ESR2: variants seen among roughly 807,000 people sequenced by gnomAD.
ESR2 encodes estrogen receptor beta.
Under a neutral mutation model 49.6 loss-of-function variants are expected in ESR2, and 36 were observed. The observed-to-expected ratio is 0.73, with a 90% CI of 0.56 to 0.96. The LOEUF is 0.96. Ranked by LOEUF, ESR2 falls within the 40% of genes least tolerant of loss-of-function variation. The pLI is 0.00. For missense variants in ESR2, 714 were observed against 693.0 expected, an observed-to-expected ratio of 1.03 and a Z score of -0.34; for synonymous variants, 320 against 266.1, an observed-to-expected ratio of 1.20 and a Z score of -1.97.
chr14:64,305,428 TG>T (rs2077079022), intron 1 of ESR2, among the ~76,000 whole-genome samples: 1 of 151,984 alleles, frequency 6.6e-6, no homozygotes, highest in South Asian at 2.1e-4. Flanking sequence ...CCCAGCACTT[TG>T]GGAGGCCAAG....
At chr14:64,284,180 C>T (rs946530588) in intron 1 of ESR2, among the ~76,000 whole-genome samples, 3 of 152,012 alleles carry the variant, frequency 2.0e-5, no homozygotes, top group African/African-American at 4.8e-5. Context: ...CCACCTGCCT[C>T]GGTCTCCCAA....
In ESR2 at chr14:64,244,157, C is replaced by T. The variant is rs1355813480; in HGVS notation, c.1225+5389G>A. Among the ~76,000 whole-genome samples the T allele has an allele frequency of 3.9e-5, 6 of 152,172 alleles. No individual in the cohort carries two copies. The East Asian group carries it at 7.7e-4, about 20-fold the overall frequency. On this transcript the variant is annotated intron_variant, in intron 7 of 8. Transcript: ENST00000341099. ...CTCACACCTGTAATCCCTGCACTTT[C>T]GGAGGCCAAAGTGGGTGGATCACTT...
At position 64,228,411 on chromosome 14, in the gene ESR2, A is replaced by G. The variant is rs2098724346; in HGVS notation, c.*4726T>C. ...ATTAAAGGGACACAGTAAGGAAAAC[A>G]CTCCCTGGAGGAAGGGAAAGCAGGT... On this transcript the variant is annotated 3_prime_UTR_variant, in exon 9 of 9. Coordinates refer to ENST00000341099, the MANE Select transcript of ESR2 (RefSeq NM_001437.3). Among the ~76,000 whole-genome samples, 2 of 152,142 alleles carry G rather than the reference A, an allele frequency of 1.3e-5. No individual in the cohort carries two copies. The highest frequency in any genetic ancestry group is 2.9e-5 in the Non-Finnish European group (2 of 68,038).
chr14:64,260,402 C>T (rs1316134152), intron 5 of ESR2, 47 bp downstream of exon 5: 7 of 1,499,222 alleles, frequency 4.7e-6, no homozygotes, highest in South Asian at 1.3e-5. Flanking sequence ...TATTAGCGGC[C>T]GGCCTTTCTA....
intron 7 of ESR2, among the ~76,000 whole-genome samples, chr14:64,237,274 T>C (rs894425599): frequency 2.0e-5 from 3 of 152,166 alleles, no homozygotes; most frequent in East Asian, 1.9e-4. Context: ...CCTTATTTTT[T>C]TTAGCCAAAC....
intron 4 of ESR2, among the ~76,000 whole-genome samples, chr14:64,263,747 T>G (rs1010860954): frequency 6.6e-6 from 1 of 152,112 alleles, no homozygotes; most frequent in Non-Finnish European, 1.5e-5. Context: ...AACTGACAGA[T>G]GCAGTATTAT....
intron 7 of ESR2, among the ~76,000 whole-genome samples, chr14:64,242,707 C>T (rs1253617933): frequency 3.3e-5 from 5 of 152,076 alleles, no homozygotes; most frequent in Non-Finnish European, 7.4e-5. Flanking sequence ...AGTGTTCTAT[C>T]AGAGTAATGC....
intron 4 of ESR2, among the ~76,000 whole-genome samples, chr14:64,264,469 T>A (rs1255936781): frequency 2.2e-5 from 3 of 139,128 alleles, no homozygotes; most frequent in East Asian, 2.5e-4. Flanking sequence ...TTTTTCTTAA[T>A]TTTTTTAATA....
intron 5 of ESR2, 90 bp from the exon 6 acceptor site, chr14:64,257,454 T>C: frequency 2.7e-6 from 4 of 1,480,460 alleles, no homozygotes; most frequent in Non-Finnish European, 3.7e-6. Flanking sequence ...GTTAAAACAC[T>C]AAGAAAACAC....
Position 64,233,167 on chromosome 14 carries a change from T to C in ESR2, c.1563A>G (p.Lys521=). Residue 521 remains lysine, a synonymous_variant, in exon 9 of 9, where the codon AAA becomes AAG. Transcript: ENST00000341099. Reference sequence around the variant, plus strand: ...GAGACTGTGGGTTCTGGGAGCCCTCTTTGCTTTTACTGTCCTCTGCCGGGC... The same window carrying C: ...GAGACTGTGGGTTCTGGGAGCCCTCCTTGCTTTTACTGTCCTCTGCCGGGC... The part of the protein sequence containing the change: ...ECSPAEDSKS[K]EGSQNPQSQ 2.5e-6 allele frequency: 4 copies of C among 1,613,996 alleles called. No individual in the cohort carries two copies. The highest frequency in any genetic ancestry group is 3.4e-6 in the Non-Finnish European group (4 of 1,179,896).
upstream of ESR2, among the ~76,000 whole-genome samples, chr14:64,294,570 C>T (rs183797980): frequency 6.6e-6 from 1 of 152,302 alleles, no homozygotes; most frequent in Non-Finnish European, 1.5e-5. Context: ...TGGCGCTCCC[C>T]GCAGCCCCAG....
At chr14:64,313,191 C>G (rs901068568) in intron 1 of ESR2, among the ~76,000 whole-genome samples, 1 of 151,794 alleles carries the variant, frequency 6.6e-6, no homozygotes, top group African/African-American at 2.4e-5. Flanking sequence ...TCTTAAATGC[C>G]CCCAAACAAC....
At chr14:64,286,666 G>A (rs1045483668) in intron 1 of ESR2, among the ~76,000 whole-genome samples, 2 of 152,000 alleles carry the variant, frequency 1.3e-5, no homozygotes, top group African/African-American at 4.8e-5. Flanking sequence ...CAGAAAATAT[G>A]CAGGATAAAA....
intron 1 of ESR2, among the ~76,000 whole-genome samples, chr14:64,288,536 G>A (rs1333169582): frequency 6.6e-6 from 1 of 151,818 alleles, no homozygotes; most frequent in Non-Finnish European, 1.5e-5. Flanking sequence ...TTTTAGTAGA[G>A]ACGGGGTTTC....
chr14:64,320,800 C>T (rs1431027624), intron 1 of ESR2, among the ~76,000 whole-genome samples: 1 of 152,070 alleles, frequency 6.6e-6, no homozygotes, highest in Non-Finnish European at 1.5e-5. Context: ...GAGGCTGAGG[C>T]AGGAGAATCT....
intron 3 of ESR2, among the ~76,000 whole-genome samples, chr14:64,271,202 G>C (rs934261021): frequency 3.3e-5 from 5 of 151,906 alleles, no homozygotes; most frequent in African/African-American, 1.2e-4. Context: ...CACCTCCTGA[G>C]CTTAAGCAAT....
At chr14:64,262,110 CTTTTT>C (rs869146485) in intron 4 of ESR2, among the ~76,000 whole-genome samples, 14 of 136,176 alleles carry the variant, frequency 1.0e-4, no homozygotes, top group South Asian at 9.5e-4. Context: ...TTTGGATTTA[CTTTTT>C]TTTTTTTTTT....
At chr14:64,333,708 G>C (rs568347215) in intron 1 of ESR2, among the ~76,000 whole-genome samples, 5 of 151,984 alleles carry the variant, frequency 3.3e-5, no homozygotes, top group African/African-American at 7.2e-5. Context: ...TATTCACTAC[G>C]ACGAGAACAA....
chr14:64,268,665 G>A, intron 4 of ESR2, 130 bp downstream of exon 4: 2 of 650,180 alleles, frequency 3.1e-6, no homozygotes, highest in Non-Finnish European at 5.5e-6. Context: ...CCCCTCCAAT[G>A]TGACAACACG....
Sources: allele counts gnomAD v4.1 joint callset (sites outside exome capture counted in the v4.1 genomes callset), GRCh38; gene constraint gnomAD v4.1.1; transcripts MANE v1.5; gene names NCBI Gene and HGNC (gene_info 2026-07-23, HGNC 2026-07-21).